The following MRPS11 variants were observed in gnomAD, a reference collection of about 807,000 sequenced individuals.
MRPS11 encodes the protein mitochondrial ribosomal protein S11.
Under a neutral mutation model 24.3 loss-of-function variants are expected in MRPS11, and 27 were observed. The ratio of observed to expected loss-of-function variants is 1.11; its 90% CI spans 0.82 to 1.53. The LOEUF (loss-of-function observed/expected upper bound fraction) is 1.53, where lower values mean the gene tolerates loss of function less well. MRPS11 is among the 40% of genes most tolerant of loss of function. The pLI is 0.00. For synonymous variants in MRPS11, 104 were observed against 98.7 expected (o/e 1.05, Z -0.32); for missense variants, 277 against 256.5 (o/e 1.08, Z -0.55).
intron 4 of MRPS11, chr15:88,476,788 G>C (rs973310631): frequency 5.8e-5 from 34 of 581,270 alleles, no homozygotes; most frequent in Admixed American, 3.3e-4. Context: ...TCACAGTCAC[G>C]TGAATTCTGC....
Position 88,469,237 on chromosome 15 carries a change from C to T in MRPS11, c.182+1213C>T, listed in dbSNP as rs1223866443. ...AGATGAGGCCAACAAGACAAGAAGG[C>T]ATCAGAATGCCAGGGGTCTTGTCTG... On this transcript the variant is annotated intron_variant, in intron 2 of 5. Transcript: ENST00000325844. The surrounding 1 kb of genome is among the most constrained non-coding windows in gnomAD (Gnocchi z 4.4). 6.6e-6 allele frequency: 1 copy of T among 152,172 alleles called. No homozygotes were observed. Among genetic ancestry groups the T allele is most frequent in the East Asian group, 1.9e-4 (1 of 5,190 alleles). The allele number at this position is 152,172 out of a possible 1,614,324, so 9.4% of individuals were successfully genotyped here.
rs766611176 is a variant in MRPS11, at chr15:88,475,118, T to C, written c.290T>C (p.Ile97Thr). Residue 97 changes from isoleucine to threonine, a missense_variant, in exon 4 of 6, where the codon ATC (isoleucine) becomes ACC (threonine). Physicochemically the swap from Ile to Thr is moderately conservative, Grantham distance 89 (BLOSUM62 -1). Transcript: ENST00000325844. This position sits in a 1 kb window ranked among gnomAD's most constrained non-coding sequence, Gnocchi z 4.1. ...HIKASHNNTQ[I>T]QVVSASNEPL... ...TCTTCTACTTTTCTCAGCACACAGATCCAGGTAGTCTCTGCTAGTAATGAG... is the reference window on the plus strand; with the variant it reads ...TCTTCTACTTTTCTCAGCACACAGACCCAGGTAGTCTCTGCTAGTAATGAG... 2.5e-6 allele frequency: 4 copies of C among 1,614,202 alleles called. No individual in the cohort carries two copies. The highest frequency in any genetic ancestry group is 3.4e-6 in the Non-Finnish European group (4 of 1,180,032).
intron 4 of MRPS11, 35 bp from the exon 5 acceptor site, chr15:88,476,950 TTCTC>T (rs759524295): frequency 6.2e-7 from 1 of 1,602,288 alleles, no homozygotes; most frequent in Admixed American, 1.7e-5. Context: ...GATGCAGTAG[TTCTC>T]TCTCCGGGGC....
rs2055741427 is a variant in MRPS11 at position 88,472,723 on chromosome 15, CAAGT to C, written c.281+3_281+6del. 2 of 1,609,370 alleles carry C rather than the reference CAAGT, an allele frequency of 1.2e-6. No individual in the cohort carries two copies. Among genetic ancestry groups the C allele is most frequent in the Non-Finnish European group, 1.7e-6 (2 of 1,176,052 alleles). ...TTGCACACATTAAAGCATCCCACAACAAGTAAGTGGGAAGGGAAACACTGGGCAG... is the reference window on the plus strand; with the variant it reads ...TTGCACACATTAAAGCATCCCACAACAAGTGGGAAGGGAAACACTGGGCAG... On this transcript the variant is annotated splice_donor_variant and coding_sequence_variant, in exon 3 of 6. Transcript: ENST00000325844. LOFTEE classifies it high-confidence loss of function.
intron 3 of MRPS11, among the ~76,000 whole-genome samples, chr15:88,473,551 G>C (rs2055759704): frequency 6.6e-6 from 1 of 152,184 alleles, no homozygotes; most frequent in African/African-American, 2.4e-5. Context: ...GACTAATAAG[G>C]ACATAGGCTA....
rs2055831389 is a variant in MRPS11 at position 88,476,798 on chromosome 15, C to T, written c.412-191C>T. ...ACAGATCACAGTCACGTGAATTCTG[C>T]AACCTGCCAAATTCTGTGGTCTCTG... On this transcript the variant is annotated intron_variant, in intron 4 of 5. Transcript: ENST00000325844. 10 of 589,426 alleles carry T rather than the reference C, an allele frequency of 1.7e-5. No homozygotes were observed. The South Asian group carries it at 1.8e-4, about 11-fold the overall frequency. 36.5% of individuals were successfully genotyped at this position (589,426 alleles called of 1,614,324 possible). A position where few individuals can be genotyped will look rare whatever the true frequency, so the allele number is the denominator to read the frequency against.
intron 2 of MRPS11, chr15:88,468,499 C>T (rs1878418115): frequency 2.0e-6 from 2 of 992,926 alleles, no homozygotes; most frequent in Non-Finnish European, 2.4e-6. Context: ...GCTGTATACA[C>T]ATCCACTTAA....
Position 88,476,833 on chromosome 15 carries a change from G to T in MRPS11, c.412-156G>T, listed in dbSNP as rs991690045. 5 of 662,212 alleles carry T rather than the reference G, an allele frequency of 7.6e-6. No individual in the cohort carries two copies. The Admixed American group carries it at 7.7e-5, about 10-fold the overall frequency. The allele number at this position is 662,212 out of a possible 1,614,324, so 41.0% of individuals were successfully genotyped here. A position where few individuals can be genotyped will look rare whatever the true frequency, so the allele number is the denominator to read the frequency against. On this transcript the variant is annotated intron_variant, in intron 4 of 5. Transcript: ENST00000325844. ...AATTCTGTGGTCTCTGCTGGCGCCT[G>T]TCCTCCACTATAGCCATCTGCCCTT...
intron 2 of MRPS11, chr15:88,468,927 A>G (rs976489184): frequency 6.6e-6 from 1 of 151,792 alleles, no homozygotes; most frequent in African/African-American, 2.4e-5. Flanking sequence ...GAAGAATCGC[A>G]TGAACCCAGG....
In MRPS11 at chr15:88,467,744, G is replaced by A. The variant is rs2289417; in HGVS notation, c.27G>A (p.Ser9=). 102 of 1,613,918 alleles carry A rather than the reference G, an allele frequency of 6.3e-5. 1 individual carries two copies. The East Asian group carries it at 2.2e-3, about 34-fold the overall frequency. Residue 9 remains serine, a synonymous_variant, in exon 1 of 6, where the codon TCG becomes TCA. Coordinates refer to ENST00000325844, the MANE Select transcript of MRPS11 (RefSeq NM_022839.5). MQAVRNAG[S]RFLRSWTWPQ... ...TGCAGGCTGTGAGAAACGCGGGGTCGCGGTTCCTGCGGTCCTGGACTTGGC... is the reference window on the plus strand; with the variant it reads ...TGCAGGCTGTGAGAAACGCGGGGTCACGGTTCCTGCGGTCCTGGACTTGGC...
At position 88,478,033 on chromosome 15, in the gene MRPS11, C is replaced by T. The variant is rs897394975; in HGVS notation, c.*54C>T. On this transcript the variant is annotated 3_prime_UTR_variant, in exon 6 of 6. Coordinates refer to ENST00000325844, the MANE Select transcript of MRPS11 (RefSeq NM_022839.5). This position sits in a 1 kb window ranked among gnomAD's most constrained non-coding sequence, Gnocchi z 4.7. ...CCTCAAGCCTCAGCTCCAGTGGGACCTTGTAAAATGCTCCCTGTCAGAGCT... is the reference window on the plus strand; with the variant it reads ...CCTCAAGCCTCAGCTCCAGTGGGACTTTGTAAAATGCTCCCTGTCAGAGCT... 7.1e-7 allele frequency: 1 copy of T among 1,403,538 alleles called. No homozygotes were observed. The highest frequency in any genetic ancestry group is 1.4e-5 in the African/African-American group (1 of 70,774). The allele number at this position is 1,403,538 out of a possible 1,614,324, so 86.9% of individuals were successfully genotyped here.
At chr15:88,476,604 C>T (rs2072561474) in intron 4 of MRPS11, 2 of 173,832 alleles carry the variant, frequency 1.2e-5, no homozygotes, top group African/African-American at 4.8e-5. Context: ...AATTTTAACT[C>T]TAACTGCTTA....
Position 88,475,343 on chromosome 15 carries a change from G to T in MRPS11, c.411+104G>T. The T allele has an allele frequency of 3.3e-6, 5 of 1,507,426 alleles. No individual in the cohort carries two copies. The South Asian group carries it at 5.0e-5, about 15-fold the overall frequency. 93.4% of individuals were successfully genotyped at this position (1,507,426 alleles called of 1,614,324 possible). A position where few individuals can be genotyped will look rare whatever the true frequency, so the allele number is the denominator to read the frequency against. Reference sequence around the variant, plus strand: ...TTATACTACCCATTCAGAAGCAAGGGTTTGTCATGGCAGCTTTGATGCCCT... The same window carrying T: ...TTATACTACCCATTCAGAAGCAAGGTTTTGTCATGGCAGCTTTGATGCCCT... On this transcript the variant is annotated intron_variant, in intron 4 of 5. Transcript: ENST00000325844. The surrounding 1 kb of genome is among the most constrained non-coding windows in gnomAD (Gnocchi z 4.1).
intron 2 of MRPS11, 147 bp from the exon 3 acceptor site, chr15:88,472,480 A>T: frequency 1.6e-6 from 1 of 625,912 alleles, no homozygotes; most frequent in Non-Finnish European, 2.8e-6. Context: ...CGGTGGTGGC[A>T]CCAGAAGGAC....
rs2055802895 is a variant in MRPS11 at position 88,475,474 on chromosome 15, GC to G, written c.411+237del. ...TGTTGGTTCATTCTAGGATGTAAGA[GC>G]CAAGATACCAAAGGCTTGAGAACCA... On this transcript the variant is annotated intron_variant, in intron 4 of 5. Transcript: ENST00000325844. The surrounding 1 kb of genome is among the most constrained non-coding windows in gnomAD (Gnocchi z 4.1). Among the ~76,000 whole-genome samples, 1 of 152,192 alleles carries G rather than the reference GC, an allele frequency of 6.6e-6. No individual in the cohort carries two copies. The highest frequency in any genetic ancestry group is 2.4e-5 in the African/African-American group (1 of 41,436).
At position 88,479,196 on chromosome 15, in the gene MRPS11, C is replaced by G. The variant is rs2055884000; in HGVS notation, c.*1217C>G. 1.3e-5 allele frequency: 2 copies of G among 152,142 alleles called. No homozygotes were observed. Among genetic ancestry groups the G allele is most frequent in the African/African-American group, 4.8e-5 (2 of 41,394 alleles). 9.4% of individuals were successfully genotyped at this position (152,142 alleles called of 1,614,324 possible). ...GACTGACTGCTCCTCTGTTGGGGCT[C>G]TAGGGTTCCTGGATACGGCACAGAG... On this transcript the variant is annotated 3_prime_UTR_variant, in exon 6 of 6. Coordinates refer to ENST00000325844, the MANE Select transcript of MRPS11 (RefSeq NM_022839.5).
Position 88,467,735 on chromosome 15 carries a change from C to G in MRPS11, c.18C>G (p.Asn6Lys). The G allele has an allele frequency of 6.2e-7, 1 of 1,614,080 alleles. No individual in the cohort carries two copies. The highest frequency in any genetic ancestry group is 8.5e-7 in the Non-Finnish European group (1 of 1,180,020). The change falls in exon 1 of 6, where the codon AAC becomes AAG. Residue 6 changes from asparagine to lysine, a missense_variant. By Grantham distance (94) the Asn-to-Lys change is moderately conservative. Coordinates refer to ENST00000325844, the MANE Select transcript of MRPS11 (RefSeq NM_022839.5). ...TTCAAGTCATGCAGGCTGTGAGAAA[C>G]GCGGGGTCGCGGTTCCTGCGGTCCT... MQAVR[N>K]AGSRFLRSWT...
chr15:88,477,778 T>A lies in MRPS11; in HGVS notation c.478-94T>A, dbSNP rs2055852156. 1 of 1,064,098 alleles carries A rather than the reference T, an allele frequency of 9.4e-7. No individual in the cohort carries two copies. Among genetic ancestry groups the A allele is most frequent in the Non-Finnish European group, 1.4e-6 (1 of 701,530 alleles). The allele number at this position is 1,064,098 out of a possible 1,614,324, so 65.9% of individuals were successfully genotyped here. On this transcript the variant is annotated intron_variant, in intron 5 of 5. Transcript: ENST00000325844. The surrounding 1 kb of genome is among the most constrained non-coding windows in gnomAD (Gnocchi z 5.7). ...CATCTCACCCCTCCGTTCCCTTCTC[T>A]ACGCCACCCTGTCCCTCTCCGAACC...
intron 2 of MRPS11, chr15:88,472,419 C>T (rs373993131): frequency 2.7e-5 from 14 of 512,928 alleles, no homozygotes; most frequent in East Asian, 1.7e-4. Flanking sequence ...CCAGATGTGT[C>T]TGAAGTCAGC....
Sources: gnomAD v4.1 joint callset for allele counts (sites outside exome capture counted in the v4.1 genomes callset) on GRCh38, gnomAD v4.1.1 for gene constraint, Gnocchi (gnomAD v3.1) non-coding constraint, MANE v1.5 for transcripts, NCBI Gene and HGNC (gene_info 2026-07-23, HGNC 2026-07-21) for gene names.